The following MOB1B variants were observed in gnomAD, a reference collection of about 807,000 sequenced individuals.
The protein encoded by MOB1B is MOB1 Mps One Binder homolog B.
MOB1B carries 19 observed loss-of-function variants against 24.4 expected under a neutral mutation model. The observed-to-expected ratio is 0.78, with a 90% CI of 0.54 to 1.14. The LOEUF (loss-of-function observed/expected upper bound fraction) is 1.14, where lower values mean the gene tolerates loss of function less well. Among genes scored for constraint, MOB1B ranks in the 50% most tolerant of loss-of-function variants. The pLI, the probability that MOB1B is intolerant of heterozygous loss-of-function variation, is 0.00. For missense variants in MOB1B, 243 were observed against 259.6 expected, an observed-to-expected ratio of 0.94 and a Z score of 0.44; for synonymous variants, 76 against 82.1, an observed-to-expected ratio of 0.93 and a Z score of 0.40.
At chr4:70,938,996 C>G (rs1737215650) in intron 1 of MOB1B, among the ~76,000 whole-genome samples, 2 of 152,076 alleles carry the variant, frequency 1.3e-5, no homozygotes, top group African/African-American at 4.8e-5. Flanking sequence ...CCTTGCAGTT[C>G]AAATTTGGAT....
chr4:70,939,308 T>TA (rs2148883786), intron 1 of MOB1B, among the ~76,000 whole-genome samples: 1 of 152,092 alleles, frequency 6.6e-6, no homozygotes, highest in South Asian at 2.1e-4. Context: ...CTCATAGAAA[T>TA]AAAAAGAATG....
At chr4:70,902,914 C>A (rs1735575899) in intron 1 of MOB1B, among the ~76,000 whole-genome samples, 1 of 152,224 alleles carries the variant, frequency 6.6e-6, no homozygotes, top group African/African-American at 2.4e-5. Flanking sequence ...CAATCCGTAT[C>A]CAAGCGGTGC....
intron 4 of MOB1B, chr4:70,976,754 A>ATATATATATATATATATATATATT (rs1491294493): frequency 7.6e-6 from 1 of 131,138 alleles, no homozygotes; most frequent in African/African-American, 4.8e-5. Context: ...ACTGAATTAC[A>ATATATATATATATATATATATATT]TATATATATA....
intron 1 of MOB1B, among the ~76,000 whole-genome samples, chr4:70,903,591 A>C (rs1735609801): frequency 6.6e-6 from 1 of 152,160 alleles, no homozygotes; most frequent in Non-Finnish European, 1.5e-5. Flanking sequence ...TCACCCATAT[A>C]CTGTTTTACT....
chr4:70,906,302 G>A (rs1005324384), intron 1 of MOB1B, among the ~76,000 whole-genome samples: 1 of 151,892 alleles, frequency 6.6e-6, no homozygotes, highest in African/African-American at 2.4e-5. Flanking sequence ...ACTTGAATCC[G>A]GGAGACAGAG....
At chr4:70,912,523 C>T (rs553196371) in intron 1 of MOB1B, among the ~76,000 whole-genome samples, 16 of 152,202 alleles carry the variant, frequency 1.1e-4, no homozygotes, top group South Asian at 6.2e-4. Flanking sequence ...GGTGATCCAC[C>T]GGCCTCAGCC....
chr4:70,944,574 C>G (rs1737493949), intron 1 of MOB1B, among the ~76,000 whole-genome samples: 1 of 152,154 alleles, frequency 6.6e-6, no homozygotes, highest in African/African-American at 2.4e-5. Flanking sequence ...AAGGAAATAC[C>G]TGAGACTGGG....
At chr4:70,942,899 T>A in intron 1 of MOB1B, 2 of 738,100 alleles carry the variant, frequency 2.7e-6, no homozygotes, top group Non-Finnish European at 3.3e-6. Flanking sequence ...AAAGAAAAAA[T>A]TATTATATGA....
At chr4:70,939,493 G>A (rs906384789) in intron 1 of MOB1B, among the ~76,000 whole-genome samples, 1 of 152,142 alleles carries the variant, frequency 6.6e-6, no homozygotes, top group Non-Finnish European at 1.5e-5. Context: ...GACCAGCCTG[G>A]CCAACGTGGC....
In MOB1B at chr4:70,969,958, T is replaced by A. The variant is rs1254186698; in HGVS notation, c.209T>A (p.Met70Lys). ...GTGGATTTCTTCAATCAGATCAACATGCTTTATGGAACTATCACAGACTTC... is the reference window on the plus strand; with the variant it reads ...GTGGATTTCTTCAATCAGATCAACAAGCTTTATGGAACTATCACAGACTTC... ...NTVDFFNQIN[M>K]LYGTITDFCT... is the part of the protein sequence containing the mutation. The change falls in exon 3 of 6, where the codon ATG (methionine) becomes AAG (lysine). Residue 70 changes from methionine to lysine, a missense_variant. Met to Lys is a moderately conservative substitution (Grantham distance 95). Coordinates refer to ENST00000309395, the MANE Select transcript of MOB1B (RefSeq NM_173468.4). 6.2e-7 allele frequency: 1 copy of A among 1,606,674 alleles called. No homozygotes were observed. Among genetic ancestry groups the A allele is most frequent in the Non-Finnish European group, 8.5e-7 (1 of 1,175,872 alleles).
At chr4:70,960,071 A>G (rs1405250047) in intron 2 of MOB1B, among the ~76,000 whole-genome samples, 2 of 151,900 alleles carry the variant, frequency 1.3e-5, no homozygotes, top group Non-Finnish European at 2.9e-5. Context: ...TTTAGTAGAG[A>G]TGGGATTTCA....
Position 70,987,937 on chromosome 4 carries a change from T to C in MOB1B, c.*5880T>C, listed in dbSNP as rs1181889508. ...CTATATTACAAACTGTGCCGGATTA[T>C]GCAAATTGTAGTTGTTACTGATCAA... On this transcript the variant is annotated 3_prime_UTR_variant, in exon 6 of 6. Coordinates refer to ENST00000309395, the MANE Select transcript of MOB1B (RefSeq NM_173468.4). 1 of 152,658 alleles carries C rather than the reference T, an allele frequency of 6.6e-6. No homozygotes were observed. The highest frequency in any genetic ancestry group is 1.5e-5 in the Non-Finnish European group (1 of 68,026). The allele number at this position is 152,658 out of a possible 1,614,324, so 9.5% of individuals were successfully genotyped here. A position where few individuals can be genotyped will look rare whatever the true frequency, so the allele number is the denominator to read the frequency against.
intron 1 of MOB1B, among the ~76,000 whole-genome samples, chr4:70,951,481 A>G (rs1737802293): frequency 6.6e-6 from 1 of 152,260 alleles, no homozygotes; most frequent in Non-Finnish European, 1.5e-5. Flanking sequence ...GCCTTCAAAT[A>G]TGAGTAAGAA....
In MOB1B at chr4:70,955,301, G is replaced by T. The variant is rs370117450; in HGVS notation, c.15-3573G>T. Among the ~76,000 whole-genome samples the T allele has an allele frequency of 2.0e-5, 3 of 152,146 alleles. No individual in the cohort carries two copies. The East Asian group carries it at 5.8e-4, about 29-fold the overall frequency. Reference sequence around the variant, plus strand: ...TTCAGAGCTGCTTGTCACATCTTCAGTTGCTGCAGCCATCTCAGCCGTGTG... The same window carrying T: ...TTCAGAGCTGCTTGTCACATCTTCATTTGCTGCAGCCATCTCAGCCGTGTG... On this transcript the variant is annotated intron_variant, in intron 1 of 5. Transcript: ENST00000309395.
intron 1 of MOB1B, among the ~76,000 whole-genome samples, chr4:70,939,336 A>G (rs1213115155): frequency 6.6e-6 from 1 of 152,214 alleles, no homozygotes; most frequent in Non-Finnish European, 1.5e-5. Context: ...AAACAACTAA[A>G]TTTTGGAAAT....
At chr4:70,934,691 A>G (rs1239109349) in intron 1 of MOB1B, among the ~76,000 whole-genome samples, 5 of 151,996 alleles carry the variant, frequency 3.3e-5, no homozygotes, top group Non-Finnish European at 7.4e-5. Context: ...CCTAACCTCA[A>G]GTGATTTGCC....
At chr4:70,967,542 T>C (rs190939656) in intron 2 of MOB1B, among the ~76,000 whole-genome samples, 7 of 152,322 alleles carry the variant, frequency 4.6e-5, no homozygotes, top group Admixed American at 2.6e-4. Context: ...ATAAAAAATA[T>C]GTTGATTGTT....
chr4:70,974,166 GT>G (rs1179376748), intron 3 of MOB1B, among the ~76,000 whole-genome samples: 3 of 148,858 alleles, frequency 2.0e-5, no homozygotes, highest in Admixed American at 6.7e-5. Context: ...CTCTTTTAGG[GT>G]TTTTTTTTTG....
At chr4:70,931,247 A>T (rs1243224836) in intron 1 of MOB1B, among the ~76,000 whole-genome samples, 1 of 152,232 alleles carries the variant, frequency 6.6e-6, no homozygotes, top group African/African-American at 2.4e-5. Flanking sequence ...GCTCAGTTGT[A>T]TAGAATAATT....
Sources: gnomAD v4.1 joint callset for allele counts (sites outside exome capture counted in the v4.1 genomes callset) on GRCh38, gnomAD v4.1.1 for gene constraint, MANE v1.5 for transcripts, NCBI Gene and HGNC (gene_info 2026-07-23, HGNC 2026-07-21) for gene names.